LRRC2: variants seen among roughly 807,000 people sequenced by gnomAD.
LRRC2 encodes leucine rich repeat containing 2.
A neutral mutation model predicts 40.2 loss-of-function variants in LRRC2; 27 were observed. The observed-to-expected ratio is 0.67, with a 90% CI of 0.49 to 0.93. LRRC2 has a LOEUF of 0.93. LRRC2 is among the 40% of genes least tolerant of loss of function. The pLI, the probability that LRRC2 is intolerant of heterozygous loss-of-function variation, is 0.00. For synonymous variants in LRRC2, 147 were observed against 158.9 expected (o/e 0.92, Z 0.56); for missense variants, 402 against 439.6 (o/e 0.91, Z 0.76).
At chr3:46,546,961 G>A (rs1704538988) in intron 2 of LRRC2, among the ~76,000 whole-genome samples, 1 of 152,072 alleles carries the variant, frequency 6.6e-6, no homozygotes, top group Admixed American at 6.6e-5. Flanking sequence ...ACACTGGTCT[G>A]GCTTTGAAAG....
chr3:46,562,699 C>G (rs1470307440), intron 1 of LRRC2, among the ~76,000 whole-genome samples: 1 of 151,886 alleles, frequency 6.6e-6, no homozygotes, highest in African/African-American at 2.4e-5. Flanking sequence ...AGGAATGACT[C>G]CATCATAATC....
At position 46,545,235 on chromosome 3, in the gene LRRC2, G is replaced by A; in HGVS notation, c.144C>T (p.Asn48=). ...SALEKIKEEW[N]FVAECRRKGI... is the part of the protein sequence containing the mutation. ...CCTTCCTCCTGCATTCGGCCACAAA[G>A]TTCCACTCCTCCTTTATCCTAAAAC... Residue 48 remains asparagine (N), a synonymous_variant, in exon 3 of 9, where the codon AAC becomes AAT. Transcript: ENST00000395905. 6.2e-7 allele frequency: 1 copy of A among 1,614,098 alleles called. No individual in the cohort carries two copies. The highest frequency in any genetic ancestry group is 1.1e-5 in the South Asian group (1 of 91,070).
rs77583880 is a variant in LRRC2 at position 46,523,114 on chromosome 3, T to C, written c.930-1456A>G. Among the ~76,000 whole-genome samples the C allele has an allele frequency of 6.5e-3, 995 of 152,320 alleles. 27 individuals are homozygous for C. In the East Asian group the frequency reaches 0.088, roughly 13 times the overall value. On this transcript the variant is annotated intron_variant, in intron 7 of 8. Transcript: ENST00000395905. ...GAACATGGAGAGAGTTTAAAAGTTG[T>C]AATGTTTAATGTAGATAGAACCATT... is the stretch of plus-strand genomic sequence containing the variant.
chr3:46,547,704 GTA>G lies in LRRC2; in HGVS notation c.126-2453_126-2452del, dbSNP rs1283276850. ...ATATATATATAACATATGTGTGTGT[GTA>G]TGTGTGTGTGTGTGTGTGTGTGTGT... is the stretch of plus-strand genomic sequence containing the variant. On this transcript the variant is annotated intron_variant, in intron 2 of 8. Coordinates refer to ENST00000395905, the MANE Select transcript of LRRC2 (RefSeq NM_024512.5). Among the ~76,000 whole-genome samples the G allele has an allele frequency of 1.1e-3, 17 of 15,310 alleles. No homozygotes were observed. The South Asian group carries it at 0.043, about 39-fold the overall frequency. The allele number at this position is 15,310 out of a possible 152,430, so 10.0% of individuals were successfully genotyped here.
chr3:46,560,335 TCTC>T lies in LRRC2; in HGVS notation c.-20+5839_-20+5841del, dbSNP rs569097805. Among the ~76,000 whole-genome samples the T allele has an allele frequency of 1.8e-4, 28 of 152,116 alleles. No individual in the cohort carries two copies. In the East Asian group the frequency reaches 5.0e-3, roughly 27 times the overall value. On this transcript the variant is annotated intron_variant, in intron 1 of 8. Coordinates refer to ENST00000395905, the MANE Select transcript of LRRC2 (RefSeq NM_024512.5). ...GTCCCTCAGCAGCTCAGGGGAGAGA[TCTC>T]CTCACAAATTTACAAAGCTAATCTC... is the stretch of plus-strand genomic sequence containing the variant.
At chr3:46,560,676 C>T (rs1157325765) in intron 1 of LRRC2, among the ~76,000 whole-genome samples, 8 of 152,200 alleles carry the variant, frequency 5.3e-5, no homozygotes, top group South Asian at 2.1e-4. Context: ...CATCTGATTC[C>T]GGTTCCCTGC....
intron 1 of LRRC2, chr3:46,558,210 C>A (rs1704854097): frequency 6.6e-6 from 1 of 152,252 alleles, no homozygotes; most frequent in South Asian, 2.1e-4. Context: ...ACTACCTTGC[C>A]CCTCCAGTGC....
chr3:46,522,760 A>AACACACACACACAC (rs71098411), intron 7 of LRRC2, among the ~76,000 whole-genome samples: 1,923 of 143,352 alleles, frequency 0.013, 22 homozygotes, highest in South Asian at 0.02. Context: ...AACTACTGCT[A>AACACACACACACAC]ACACACACAC....
At chr3:46,543,735 C>T (rs1284720466) in intron 3 of LRRC2, among the ~76,000 whole-genome samples, 1 of 152,090 alleles carries the variant, frequency 6.6e-6, no homozygotes, top group Admixed American at 6.6e-5. Context: ...GTGAACTGGA[C>T]ACCCTTACAG....
intron 2 of LRRC2, 37 bp from the exon 3 acceptor site, chr3:46,545,290 G>C (rs1180248624): frequency 6.3e-7 from 1 of 1,590,002 alleles, no homozygotes; most frequent in South Asian, 1.1e-5. Context: ...TACTCTCCTG[G>C]GGACTGGCCA....
At chr3:46,536,204 A>G (rs1413047840) in intron 4 of LRRC2, among the ~76,000 whole-genome samples, 1 of 152,210 alleles carries the variant, frequency 6.6e-6, no homozygotes, top group Non-Finnish European at 1.5e-5. Context: ...AATACCCAGG[A>G]AACTTAGCGC....
At chr3:46,542,770 C>T (rs1166949482) in intron 3 of LRRC2, among the ~76,000 whole-genome samples, 1 of 152,086 alleles carries the variant, frequency 6.6e-6, no homozygotes, top group Non-Finnish European at 1.5e-5. Flanking sequence ...TGAGGATCTC[C>T]CCTATACGAG....
intron 1 of LRRC2, among the ~76,000 whole-genome samples, chr3:46,565,400 G>A (rs993448808): frequency 6.6e-6 from 1 of 152,078 alleles, no homozygotes; most frequent in Non-Finnish European, 1.5e-5. Context: ...ACAGTACCTG[G>A]CACCTAGCAA....
intron 3 of LRRC2, among the ~76,000 whole-genome samples, chr3:46,542,251 A>C (rs1363004321): frequency 2.0e-5 from 3 of 152,104 alleles, no homozygotes; most frequent in Non-Finnish European, 4.4e-5. Context: ...ACTATCCAGC[A>C]CTTTGGGAGG....
intron 4 of LRRC2, among the ~76,000 whole-genome samples, chr3:46,534,534 G>A (rs1473943508): frequency 6.7e-6 from 1 of 150,146 alleles, no homozygotes; most frequent in Non-Finnish European, 1.5e-5. Context: ...TCTACTAAAT[G>A]CACACCACTT....
At chr3:46,564,809 C>T (rs574382002) in intron 1 of LRRC2, among the ~76,000 whole-genome samples, 4 of 152,182 alleles carry the variant, frequency 2.6e-5, no homozygotes, top group Non-Finnish European at 5.9e-5. Flanking sequence ...CCCTTCCAGG[C>T]GTGTCATCAA....
At chr3:46,521,239 G>T (rs181597085) in intron 8 of LRRC2, among the ~76,000 whole-genome samples, 5 of 152,080 alleles carry the variant, frequency 3.3e-5, no homozygotes, top group African/African-American at 1.2e-4. Flanking sequence ...AAAAACTCAC[G>T]TATGGTTAGT....
chr3:46,549,614 T>A (rs6770574), intron 2 of LRRC2, among the ~76,000 whole-genome samples: 12,234 of 152,202 alleles, frequency 0.08, 572 homozygotes, highest in South Asian at 0.17. Context: ...TCAAGCTCAA[T>A]CCTATGTACA....
At chr3:46,523,094 T>C (rs899677215) in intron 7 of LRRC2, among the ~76,000 whole-genome samples, 1 of 152,178 alleles carries the variant, frequency 6.6e-6, no homozygotes, top group Non-Finnish European at 1.5e-5. Flanking sequence ...TGTCTGAACA[T>C]GGAGAGAGTT....
Sources: gnomAD v4.1 joint callset for allele counts (sites outside exome capture counted in the v4.1 genomes callset) on GRCh38, gnomAD v4.1.1 for gene constraint, MANE v1.5 for transcripts, NCBI Gene and HGNC (gene_info 2026-07-23, HGNC 2026-07-21) for gene names.